The following CD96 variants were observed in gnomAD, a reference collection of about 807,000 sequenced individuals.
CD96 encodes the protein CD96 molecule.
A neutral mutation model predicts 71.3 loss-of-function variants in CD96; 70 were observed. The observed-to-expected ratio is 0.98, with a 90% CI of 0.81 to 1.20. CD96 has a LOEUF of 1.20. Ranked by LOEUF, CD96 falls within the 50% of genes most tolerant of loss-of-function variation. The pLI, the probability that CD96 is intolerant of heterozygous loss-of-function variation, is 0.00. For missense variants in CD96, 742 were observed against 677.5 expected (o/e 1.10, Z -1.06); for synonymous variants, 248 against 233.0 (o/e 1.06, Z -0.59).
intron 2 of CD96, among the ~76,000 whole-genome samples, chr3:111,563,409 C>G (rs966537829): frequency 2.0e-5 from 3 of 152,208 alleles, no homozygotes; most frequent in Non-Finnish European, 4.4e-5. Context: ...TTGCAACCAG[C>G]TCCATGTGGC....
chr3:111,557,608 G>C (rs1210102783), intron 2 of CD96, among the ~76,000 whole-genome samples: 35 of 128,104 alleles, frequency 2.7e-4, no homozygotes, highest in African/African-American at 1.1e-3. Flanking sequence ...GGTTACTGTA[G>C]CCTTGTAGTA....
downstream of CD96, among the ~76,000 whole-genome samples, chr3:111,654,182 C>T (rs560419961): frequency 1.8e-4 from 28 of 152,274 alleles, no homozygotes; most frequent in South Asian, 4.1e-4. Flanking sequence ...TGTTTGACAA[C>T]AGCAATCATG....
At chr3:111,655,533 G>C (rs933263303), downstream of CD96, among the ~76,000 whole-genome samples, 4 of 152,152 alleles carry the variant, frequency 2.6e-5, no homozygotes, top group Non-Finnish European at 5.9e-5. Context: ...CTTCAGAAAG[G>C]AGGCTGTCAA....
intron 7 of CD96, among the ~76,000 whole-genome samples, chr3:111,605,365 A>C (rs758855971): frequency 1.3e-5 from 2 of 152,184 alleles, no homozygotes; most frequent in African/African-American, 2.4e-5. Flanking sequence ...TCACAGAGAG[A>C]ATATTGTGTT....
intron 8 of CD96, among the ~76,000 whole-genome samples, chr3:111,608,550 C>G (rs1937745148): frequency 6.6e-6 from 1 of 152,198 alleles, no homozygotes; most frequent in Non-Finnish European, 1.5e-5. Context: ...CAGATGGGGA[C>G]TTTAAGACAC....
At chr3:111,567,459 G>C in intron 2 of CD96, 64 bp from the exon 3 acceptor site, 1 of 1,425,886 alleles carries the variant, frequency 7.0e-7, no homozygotes, top group East Asian at 2.3e-5. Flanking sequence ...TTGTCTCTTT[G>C]ATAAAAAGCA....
intron 7 of CD96, among the ~76,000 whole-genome samples, chr3:111,602,200 G>C (rs1306678687): frequency 2.0e-5 from 3 of 152,108 alleles, no homozygotes; most frequent in Non-Finnish European, 1.5e-5. Flanking sequence ...CTAAGGATGT[G>C]AGCTAAAGGA....
chr3:111,614,536 T>G (rs1938126708), intron 8 of CD96, among the ~76,000 whole-genome samples: 1 of 152,196 alleles, frequency 6.6e-6, no homozygotes, highest in South Asian at 2.1e-4. Context: ...GGTCTTCTGC[T>G]TCCTTCTCTC....
chr3:111,571,355 A>G (rs1325030232), intron 3 of CD96, among the ~76,000 whole-genome samples: 1 of 150,968 alleles, frequency 6.6e-6, no homozygotes, highest in Non-Finnish European at 1.5e-5. Context: ...AGTCTTATTC[A>G]TTGTTCTCAT....
intron 2 of CD96, among the ~76,000 whole-genome samples, chr3:111,566,379 A>G (rs988720607): frequency 1.3e-5 from 2 of 152,092 alleles, no homozygotes; most frequent in African/African-American, 4.8e-5. Context: ...TGATTCAATA[A>G]TTGGAAATGA....
At chr3:111,544,648 TTATATTCAGC>T (rs1363857471) in intron 1 of CD96, among the ~76,000 whole-genome samples, 1 of 152,322 alleles carries the variant, frequency 6.6e-6, no homozygotes, top group Non-Finnish European at 1.5e-5. Flanking sequence ...CACGTGTGTA[TTATATTCAGC>T]TGTCGTTTTA....
At chr3:111,632,560 C>T (rs1470291710) in intron 10 of CD96, among the ~76,000 whole-genome samples, 1 of 152,128 alleles carries the variant, frequency 6.6e-6, no homozygotes. Context: ...GACATTGTGG[C>T]GATTCCTCAA....
chr3:111,550,328 A>G (rs1934632850), intron 2 of CD96, among the ~76,000 whole-genome samples: 2 of 152,126 alleles, frequency 1.3e-5, no homozygotes, highest in Admixed American at 6.6e-5. Flanking sequence ...GCACATTGAT[A>G]TGACTTTCAA....
Position 111,619,488 on chromosome 3 carries a change from C to T in CD96, c.1181-4266C>T, listed in dbSNP as rs570986254. Among the ~76,000 whole-genome samples the T allele has an allele frequency of 3.9e-5, 6 of 152,262 alleles. No homozygotes were observed. In the South Asian group the frequency reaches 1.2e-3, roughly 32 times the overall value. ...AAGATTTGATAATAATAAACATTTA[C>T]ATTGAAGAAGGAATAAACAATCAGC... On this transcript the variant is annotated intron_variant, in intron 8 of 13. Coordinates refer to ENST00000352690, the MANE Select transcript of CD96 (RefSeq NM_005816.5).
At position 111,585,252 on chromosome 3, in the gene CD96, A is replaced by G. The variant is rs989916382; in HGVS notation, c.752-71A>G. On this transcript the variant is annotated intron_variant, in intron 4 of 13. Transcript: ENST00000352690. ...AATGAAGATGCTTATAGACACACAC[A>G]CACATACACACACTAGTGGCCAGGT... is the stretch of plus-strand genomic sequence containing the variant. 5 of 819,596 alleles carry G rather than the reference A, an allele frequency of 6.1e-6. No homozygotes were observed. In the African/African-American group the frequency reaches 6.7e-5, roughly 11 times the overall value. 50.8% of individuals were successfully genotyped at this position (819,596 alleles called of 1,614,324 possible). A position where few individuals can be genotyped will look rare whatever the true frequency, so the allele number is the denominator to read the frequency against.
At chr3:111,599,126 G>A (rs1328261819) in intron 6 of CD96, among the ~76,000 whole-genome samples, 1 of 151,792 alleles carries the variant, frequency 6.6e-6, no homozygotes, top group Non-Finnish European at 1.5e-5. Context: ...CCGCCACTAC[G>A]CCCGGCTAAT....
chr3:111,599,127 C>G (rs1937384561), intron 6 of CD96, among the ~76,000 whole-genome samples: 2 of 151,972 alleles, frequency 1.3e-5, no homozygotes, highest in African/African-American at 2.4e-5. Context: ...CGCCACTACG[C>G]CCGGCTAATT....
At chr3:111,596,086 C>T (rs1195832792) in intron 5 of CD96, among the ~76,000 whole-genome samples, 1 of 151,808 alleles carries the variant, frequency 6.6e-6, no homozygotes, top group East Asian at 1.9e-4. Context: ...TGCTTGAACC[C>T]GGGAGGTGGA....
At chr3:111,655,753 C>A (rs1940213236), downstream of CD96, among the ~76,000 whole-genome samples, 2 of 152,014 alleles carry the variant, frequency 1.3e-5, no homozygotes, top group African/African-American at 4.8e-5. Context: ...AAATTCAACA[C>A]CCATTCCTAC....
Sources: gnomAD v4.1 joint callset for allele counts (sites outside exome capture counted in the v4.1 genomes callset) on GRCh38, gnomAD v4.1.1 for gene constraint, MANE v1.5 for transcripts, NCBI Gene and HGNC (gene_info 2026-07-23, HGNC 2026-07-21) for gene names.